SYNC: variants seen among roughly 807,000 people sequenced by gnomAD.
The protein encoded by SYNC is syncoilin, intermediate filament protein, also known as syncoilin.
SYNC carries 38 observed loss-of-function variants against 49.5 expected under a neutral mutation model. That is an observed-to-expected ratio of 0.77 (90% CI 0.59 to 1.01). The LOEUF is 1.01. Among genes scored for constraint, SYNC ranks in the 50% least tolerant of loss-of-function variants. SYNC has a pLI of 0.00. For missense variants in SYNC, 579 were observed against 580.6 expected (o/e 1.00, Z 0.03); for synonymous variants, 201 against 230.8 (o/e 0.87, Z 1.17).
At chr1:32,684,445 CT>C in intron 2 of SYNC, 63 bp from the exon 3 acceptor site, 6 of 1,606,908 alleles carry the variant, frequency 3.7e-6, no homozygotes, top group Non-Finnish European at 5.1e-6. Flanking sequence ...ATTGTCCACT[CT>C]TACTTATAAA....
intron 2 of SYNC, among the ~76,000 whole-genome samples, chr1:32,693,554 C>G (rs1024222931): frequency 2.0e-5 from 3 of 152,216 alleles, no homozygotes; most frequent in Non-Finnish European, 4.4e-5. Flanking sequence ...GATTAAAGTA[C>G]TGCTTAGAGC....
chr1:32,687,711 A>G (rs939336495), intron 2 of SYNC, among the ~76,000 whole-genome samples: 6 of 151,376 alleles, frequency 4.0e-5, no homozygotes, highest in African/African-American at 9.7e-5. Flanking sequence ...AGCTGGATCT[A>G]GTTAACATTC....
At position 32,702,436 on chromosome 1, in the gene SYNC, C is replaced by T. The variant is rs1650702075; in HGVS notation, c.53+172G>A. On this transcript the variant is annotated intron_variant, in intron 1 of 4. Coordinates refer to ENST00000409190, the MANE Select transcript of SYNC (RefSeq NM_030786.3). The surrounding 1 kb of genome is among the most constrained non-coding windows in gnomAD (Gnocchi z 6.2). ...CAGACAAACGGAGGTGCCAGGACCC[C>T]GGGACGGCCCGACTCCCCGATGTCC... Among the ~76,000 whole-genome samples, 2 of 152,152 alleles carry T rather than the reference C, an allele frequency of 1.3e-5. No individual in the cohort carries two copies. The highest frequency in any genetic ancestry group is 2.9e-5 in the Non-Finnish European group (2 of 68,004).
chr1:32,686,804 CAA>C (rs1649862481), intron 2 of SYNC, among the ~76,000 whole-genome samples: 1 of 152,032 alleles, frequency 6.6e-6, no homozygotes, highest in Non-Finnish European at 1.5e-5. Flanking sequence ...GTAATTTGTC[CAA>C]AGTTTCCAAC....
At chr1:32,683,841 C>G in intron 4 of SYNC, 169 bp downstream of exon 4, 1 of 615,376 alleles carries the variant, frequency 1.6e-6, no homozygotes, top group Non-Finnish European at 2.9e-6. Context: ...CCATGTTGGC[C>G]AGGCTGGTCT....
intron 1 of SYNC, among the ~76,000 whole-genome samples, chr1:32,701,210 G>C (rs1246877476): frequency 1.3e-5 from 2 of 151,976 alleles, no homozygotes; most frequent in Admixed American, 1.3e-4. Context: ...CCACCGCGCC[G>C]GGCCCACAAT....
chr1:32,680,266 T>G lies in SYNC; in HGVS notation c.*1584A>C. 4.1e-6 allele frequency: 5 copies of G among 1,225,620 alleles called. No individual in the cohort carries two copies. Among genetic ancestry groups the G allele is most frequent in the Non-Finnish European group, 5.1e-6 (5 of 980,354 alleles). The allele number at this position is 1,225,620 out of a possible 1,614,324, so 75.9% of individuals were successfully genotyped here. A position where few individuals can be genotyped will look rare whatever the true frequency, so the allele number is the denominator to read the frequency against. ...AACACGTTCCTCTTTCCCCATATAT[T>G]CATATATTTTTGCTCGTTAGTGTAT... On this transcript the variant is annotated 3_prime_UTR_variant, in exon 5 of 5. Coordinates refer to ENST00000409190, the MANE Select transcript of SYNC (RefSeq NM_030786.3).
At position 32,680,357 on chromosome 1, in the gene SYNC, G is replaced by C. The variant is rs879220285; in HGVS notation, c.*1493C>G. ...AATGGTGTTTTTTTTTTTGTTGTTGGTTTTTTTTTTTTTTTTTTTAACTTG... is the reference window on the plus strand; with the variant it reads ...AATGGTGTTTTTTTTTTTGTTGTTGCTTTTTTTTTTTTTTTTTTTAACTTG... On this transcript the variant is annotated 3_prime_UTR_variant, in exon 5 of 5. Coordinates refer to ENST00000409190, the MANE Select transcript of SYNC (RefSeq NM_030786.3). 5.2e-6 allele frequency: 4 copies of C among 771,604 alleles called. No homozygotes were observed. The Admixed American group carries it at 2.7e-4, about 53-fold the overall frequency. 47.8% of individuals were successfully genotyped at this position (771,604 alleles called of 1,614,324 possible).
Position 32,680,837 on chromosome 1 carries a change from T to G in SYNC, c.*1013A>C, listed in dbSNP as rs1649386264. On this transcript the variant is annotated 3_prime_UTR_variant, in exon 5 of 5. Transcript: ENST00000409190. ...TCCTTCCCAGGGAAAGTGAAAGACA[T>G]AAAACACTGAATCAGAGGTGGCACA... 8.2e-6 allele frequency: 3 copies of G among 364,308 alleles called. No homozygotes were observed. In the South Asian group the frequency reaches 2.6e-4, roughly 31 times the overall value. The allele number at this position is 364,308 out of a possible 1,614,324, so 22.6% of individuals were successfully genotyped here. A position where few individuals can be genotyped will look rare whatever the true frequency, so the allele number is the denominator to read the frequency against.
Position 32,702,490 on chromosome 1 carries a change from C to T in SYNC, c.53+118G>A. The stretch of plus-strand genomic sequence containing the variant: ...CACGAGGCGGCTCCAGTGCCCCACC[C>T]CGGCTGGACCACTACCCCTAGACAG... On this transcript the variant is annotated intron_variant, in intron 1 of 4. Coordinates refer to ENST00000409190, the MANE Select transcript of SYNC (RefSeq NM_030786.3). This position sits in a 1 kb window ranked among gnomAD's most constrained non-coding sequence, Gnocchi z 6.2. 1 of 1,035,332 alleles carries T rather than the reference C, an allele frequency of 9.7e-7. No homozygotes were observed. Among genetic ancestry groups the T allele is most frequent in the Non-Finnish European group, 1.2e-6 (1 of 827,170 alleles). The allele number at this position is 1,035,332 out of a possible 1,614,324, so 64.1% of individuals were successfully genotyped here.
chr1:32,702,781 G>A (rs1015811918), upstream of SYNC: 89 of 871,398 alleles, frequency 1.0e-4, no homozygotes, highest in Non-Finnish European at 1.1e-4. The surrounding 1 kb of genome is among the most constrained non-coding windows in gnomAD (Gnocchi z 6.2). Flanking sequence ...GGCCGGCCCC[G>A]GGCCGGGCGC....
chr1:32,696,325 T>A (rs562735538), intron 1 of SYNC, among the ~76,000 whole-genome samples: 252 of 152,242 alleles, frequency 1.7e-3, no homozygotes, highest in African/African-American at 5.7e-3. Context: ...TAATAATTTT[T>A]TTTTTTTGAG....
rs539183401 is a variant in SYNC at position 32,701,156 on chromosome 1, C to T, written c.53+1452G>A. 4.1e-4 allele frequency among the ~76,000 whole-genome samples: 63 copies of T among 152,248 alleles called. 1 individual carries two copies. Among genetic ancestry groups the T allele is most frequent in the Admixed American group, 9.2e-4 (14 of 15,282 alleles). On this transcript the variant is annotated intron_variant, in intron 1 of 4. Transcript: ENST00000409190. ...TCTTGAACTCCTGACCTCAGGTGAT[C>T]CGCACACCTCGGCGTCCCAAAGTGC...
intron 2 of SYNC, 123 bp from the exon 3 acceptor site, chr1:32,684,505 A>AT: frequency 6.5e-6 from 9 of 1,374,182 alleles, no homozygotes; most frequent in Non-Finnish European, 8.9e-6. Flanking sequence ...TGAGGCTGGT[A>AT]TTTATATGAT....
In SYNC at chr1:32,695,060, C is replaced by T. The variant is rs1304367836; in HGVS notation, c.1038G>A (p.Gln346=). ...RQDLEEEYEP[Q]FLRLLERKEA... ...CTTTCCTCTCTAGGAGCCGCAGGAA[C>T]TGAGGCTCATACTCCTCCTCCAGGT... is the stretch of plus-strand genomic sequence containing the variant. Residue 346 remains glutamine, a synonymous_variant, in exon 2 of 5, where the codon CAG becomes CAA. Transcript: ENST00000409190. 1 of 1,613,640 alleles carries T rather than the reference C, an allele frequency of 6.2e-7. No individual in the cohort carries two copies. Among genetic ancestry groups the T allele is most frequent in the Non-Finnish European group, 8.5e-7 (1 of 1,179,974 alleles).
chr1:32,681,668 T>C lies in SYNC; in HGVS notation c.*182A>G. The C allele has an allele frequency of 1.2e-6, 1 of 840,682 alleles. No homozygotes were observed. Among genetic ancestry groups the C allele is most frequent in the Non-Finnish European group, 1.9e-6 (1 of 521,774 alleles). 52.1% of individuals were successfully genotyped at this position (840,682 alleles called of 1,614,324 possible). On this transcript the variant is annotated 3_prime_UTR_variant, in exon 5 of 5. Transcript: ENST00000409190. Reference sequence around the variant, plus strand: ...CAGCAAAGAGTTGACATGTTCTGCCTCCGGCCAACTCTAGAATCTTTTTAA... The same window carrying C: ...CAGCAAAGAGTTGACATGTTCTGCCCCCGGCCAACTCTAGAATCTTTTTAA...
Position 32,680,650 on chromosome 1 carries a change from A to C in SYNC, c.*1200T>G. ...AAAATGGAATAAATTGCTTTTCTAC[A>C]TAACCCCATGCTGATGGGTTTTATT... On this transcript the variant is annotated 3_prime_UTR_variant, in exon 5 of 5. Coordinates refer to ENST00000409190, the MANE Select transcript of SYNC (RefSeq NM_030786.3). 9.1e-7 allele frequency: 1 copy of C among 1,103,424 alleles called. No individual in the cohort carries two copies. The highest frequency in any genetic ancestry group is 1.3e-6 in the Non-Finnish European group (1 of 759,600). The allele number at this position is 1,103,424 out of a possible 1,614,324, so 68.4% of individuals were successfully genotyped here.
chr1:32,696,034 C>A lies in SYNC; in HGVS notation c.64G>T (p.Val22Leu), dbSNP rs1005731004. The change falls in exon 2 of 5, where the codon GTA becomes TTA. Residue 22 changes from valine to leucine, a missense_variant. Physicochemically the swap from Val to Leu is conservative, Grantham distance 32. Coordinates refer to ENST00000409190, the MANE Select transcript of SYNC (RefSeq NM_030786.3). ...GAAQAARKTR[V>L]EANSPLPKNS... ...TTTGGAAGAGGAGAATTGGCCTCTA[C>A]TCTTGTTTTCCTGCAAAAGAAATGA... is the stretch of plus-strand genomic sequence containing the variant. The A allele has an allele frequency of 2.3e-5, 36 of 1,534,366 alleles. No homozygotes were observed. The highest frequency in any genetic ancestry group is 3.0e-5 in the Non-Finnish European group (34 of 1,145,302).
chr1:32,694,666 A>C (rs1351756048), intron 2 of SYNC, among the ~76,000 whole-genome samples, 199 bp downstream of exon 2: 1 of 151,914 alleles, frequency 6.6e-6, no homozygotes, highest in Non-Finnish European at 1.5e-5. Flanking sequence ...AAAAAAAAAA[A>C]CAAAAAACAG....
Sources: gnomAD v4.1 joint callset for allele counts (sites outside exome capture counted in the v4.1 genomes callset) on GRCh38, gnomAD v4.1.1 for gene constraint, Gnocchi (gnomAD v3.1) non-coding constraint, MANE v1.5 for transcripts, NCBI Gene and HGNC (gene_info 2026-07-23, HGNC 2026-07-21) for gene names.